The following EYA4 variants were observed in gnomAD, a reference collection of about 807,000 sequenced individuals.
EYA4 encodes the protein protein phosphatase EYA4.
In EYA4, 31 loss-of-function variants were observed where a neutral mutation model predicts 87.9. The observed-to-expected ratio is 0.35, with a 90% confidence interval of 0.27 to 0.48. The LOEUF (loss-of-function observed/expected upper bound fraction) is 0.48. Among genes scored for constraint, EYA4 ranks in the 20% least tolerant of loss-of-function variants. EYA4 has a pLI of 0.99. For missense variants in EYA4, 678 were observed against 761.4 expected, an observed-to-expected ratio of 0.89 and a Z score of 1.29; for synonymous variants, 263 against 270.6, an observed-to-expected ratio of 0.97 and a Z score of 0.28.
At chr6:133,331,827 A>G (rs146468082) in intron 2 of EYA4, among the ~76,000 whole-genome samples, 2 of 152,364 alleles carry the variant, frequency 1.3e-5, no homozygotes, top group East Asian at 3.9e-4. Context: ...ATTTGGGGGT[A>G]AATTCCTAAT....
At chr6:133,528,525 C>G (rs1341045925) in intron 19 of EYA4, among the ~76,000 whole-genome samples, 200 bp from the exon 20 acceptor site, 1 of 152,192 alleles carries the variant, frequency 6.6e-6, no homozygotes, top group Admixed American at 6.5e-5. Flanking sequence ...ATCTATTTCT[C>G]TGTTACTTTG....
intron 3 of EYA4, among the ~76,000 whole-genome samples, chr6:133,421,362 A>G (rs561171605): frequency 6.6e-6 from 1 of 152,334 alleles, no homozygotes; most frequent in South Asian, 2.1e-4. Flanking sequence ...ATTAACTCAA[A>G]CATGCCACGG....
intron 2 of EYA4, among the ~76,000 whole-genome samples, chr6:133,362,083 T>C (rs1327883142): frequency 6.6e-6 from 1 of 152,186 alleles, no homozygotes; most frequent in African/African-American, 2.4e-5. Flanking sequence ...TAACCTTGGG[T>C]GGTTCCCTTA....
intron 3 of EYA4, among the ~76,000 whole-genome samples, chr6:133,410,186 T>A (rs1399640469): frequency 1.3e-5 from 2 of 152,156 alleles, no homozygotes; most frequent in Non-Finnish European, 2.9e-5. Flanking sequence ...TGAATAGATT[T>A]CATTAATTTA....
intron 3 of EYA4, among the ~76,000 whole-genome samples, chr6:133,441,418 C>G (rs1369361943): frequency 6.6e-6 from 1 of 152,110 alleles, no homozygotes; most frequent in Non-Finnish European, 1.5e-5. Flanking sequence ...AAATGGCACT[C>G]GAATATAAAA....
At chr6:133,264,195 G>A (rs1009997407) in intron 1 of EYA4, among the ~76,000 whole-genome samples, 1 of 152,136 alleles carries the variant, frequency 6.6e-6, no homozygotes, top group African/African-American at 2.4e-5. Flanking sequence ...AAGAGGAATC[G>A]TCCCCAGAAC....
intron 2 of EYA4, among the ~76,000 whole-genome samples, chr6:133,318,549 C>T (rs1004155512): frequency 7.9e-5 from 12 of 151,936 alleles, no homozygotes; most frequent in Middle Eastern, 6.8e-3. Context: ...TTGGTTTATT[C>T]TGTTTCCAGA....
intron 1 of EYA4, among the ~76,000 whole-genome samples, chr6:133,249,994 A>T (rs1257847739): frequency 6.6e-6 from 1 of 152,216 alleles, no homozygotes; most frequent in African/African-American, 2.4e-5. Flanking sequence ...TAGTTGTTAT[A>T]TTCCCATTGA....
rs202049252 is a variant in EYA4 at position 133,468,722 on chromosome 6, A to G, written c.961A>G (p.Asn321Asp). The change falls in exon 11 of 20, where the codon AAC becomes GAC. Residue 321 changes from asparagine (N) to aspartate (D), a missense_variant. Transcript: ENST00000355286. ...GCAGGAATCTCTCCCAGGACTGACT[A>G]ACCAACCAGGTACAGATCTTCACCC... The part of the protein sequence containing the change: ...QLQESLPGLT[N>D]QPGEFDTMQS... 1.9e-5 allele frequency: 31 copies of G among 1,612,982 alleles called. No homozygotes were observed. Among genetic ancestry groups the G allele is most frequent in the African/African-American group, 5.3e-5 (4 of 74,982 alleles).
intron 3 of EYA4, among the ~76,000 whole-genome samples, chr6:133,401,283 A>G (rs1457703619): frequency 6.6e-6 from 1 of 152,158 alleles, no homozygotes; most frequent in African/African-American, 2.4e-5. Flanking sequence ...ATTTTGGTTA[A>G]TGGGTACAAA....
intron 5 of EYA4, among the ~76,000 whole-genome samples, chr6:133,454,770 T>C (rs1365360513): frequency 6.6e-6 from 1 of 152,106 alleles, no homozygotes; most frequent in Non-Finnish European, 1.5e-5. Context: ...TCCAGTATTT[T>C]GCAGTTTTTA....
At chr6:133,378,495 A>G (rs1328392337) in intron 2 of EYA4, among the ~76,000 whole-genome samples, 4 of 152,086 alleles carry the variant, frequency 2.6e-5, no homozygotes, top group Admixed American at 6.6e-5. Context: ...CATTTTGAAC[A>G]TTTTTAATTC....
chr6:133,295,768 A>G (rs1778900662), intron 2 of EYA4, among the ~76,000 whole-genome samples: 1 of 152,212 alleles, frequency 6.6e-6, no homozygotes, highest in Non-Finnish European at 1.5e-5. Context: ...ACTCTGCTAT[A>G]TCATATTTAT....
chr6:133,404,384 T>C (rs1020468279), intron 3 of EYA4, among the ~76,000 whole-genome samples: 9 of 152,224 alleles, frequency 5.9e-5, no homozygotes, highest in Non-Finnish European at 1.3e-4. Flanking sequence ...AGAGCTTTGT[T>C]TGTCTCTGTC....
At chr6:133,267,524 A>T (rs1776318914) in intron 1 of EYA4, among the ~76,000 whole-genome samples, 1 of 151,996 alleles carries the variant, frequency 6.6e-6, no homozygotes, top group Non-Finnish European at 1.5e-5. Context: ...TTGGGATTAC[A>T]GGCGCCCGCC....
intron 1 of EYA4, chr6:133,245,125 TA>T (rs1774302369): frequency 6.6e-6 from 1 of 152,144 alleles, no homozygotes; most frequent in African/African-American, 2.4e-5. Context: ...GGACATTCTG[TA>T]AAAACAGGCC....
At chr6:133,395,870 T>C (rs1400574813) in intron 3 of EYA4, among the ~76,000 whole-genome samples, 2 of 152,258 alleles carry the variant, frequency 1.3e-5, no homozygotes, top group African/African-American at 4.8e-5. Context: ...TATCTCAGCA[T>C]CCCTTTTGGA....
At chr6:133,484,591 A>C (rs184776332) in intron 13 of EYA4, among the ~76,000 whole-genome samples, 8 of 152,368 alleles carry the variant, frequency 5.3e-5, no homozygotes, top group Middle Eastern at 3.4e-3. Flanking sequence ...GTACACACTC[A>C]ATATCCTACT....
chr6:133,524,969 T>C (rs1256703002), intron 18 of EYA4, 185 bp from the exon 19 acceptor site: 2 of 1,478,510 alleles, frequency 1.4e-6, no homozygotes, highest in East Asian at 4.5e-5. Flanking sequence ...ATCTTTAGGT[T>C]AATGAATGCA....
Sources: allele counts gnomAD v4.1 joint callset (sites outside exome capture counted in the v4.1 genomes callset), GRCh38; gene constraint gnomAD v4.1.1; transcripts MANE v1.5; gene names NCBI Gene and HGNC (gene_info 2026-07-23, HGNC 2026-07-21).